Variants in OCSTAMP observed in about 807,000 individuals in gnomAD.
OCSTAMP encodes transmembrane protein C20orf123.
In OCSTAMP, 17 loss-of-function variants were observed where a neutral mutation model predicts 25.2. That is an observed-to-expected ratio of 0.68 (90% CI 0.46 to 1.01). The LOEUF (loss-of-function observed/expected upper bound fraction) is 1.01. Among genes scored for constraint, OCSTAMP ranks in the 50% least tolerant of loss-of-function variants. The pLI is 0.00. For missense variants in OCSTAMP, 664 were observed against 694.6 expected (o/e 0.96, Z 0.50); for synonymous variants, 345 against 318.9 (o/e 1.08, Z -0.87).
chr20:46,549,806 C>CTGTGTGTGTG (rs767000638), intron 1 of OCSTAMP, among the ~76,000 whole-genome samples: 12,424 of 142,398 alleles, frequency 0.087, 911 homozygotes, highest in East Asian at 0.27. Context: ...TTGTGGCCCA[C>CTGTGTGTGTG]TCTGTGTGTG....
At position 46,546,353 on chromosome 20, in the gene OCSTAMP, C is replaced by T. The variant is rs576112959; in HGVS notation, c.45-24G>A. ...ACCTGCACACAAGGAAATTGAAGGG[C>T]ATCTCTATCAGGAGGTGGGTGGGTG... On this transcript the variant is annotated intron_variant, in intron 1 of 2. Coordinates refer to ENST00000279028, the MANE Select transcript of OCSTAMP (RefSeq NM_080721.3). 2.2e-3 allele frequency: 2,355 copies of T among 1,090,912 alleles called. 2 individuals carry two copies. The highest frequency in any genetic ancestry group is 2.8e-3 in the Non-Finnish European group (2,151 of 759,608). The allele number at this position is 1,090,912 out of a possible 1,614,324, so 67.6% of individuals were successfully genotyped here.
chr20:46,542,832 C>T (rs1458810088), intron 2 of OCSTAMP, among the ~76,000 whole-genome samples: 2 of 152,058 alleles, frequency 1.3e-5, no homozygotes, highest in African/African-American at 2.4e-5. Flanking sequence ...TGCCACACCC[C>T]AAATGGTTCA....
rs1188107010 is a variant in OCSTAMP at position 46,550,635 on chromosome 20, G to A, written c.-75C>T. On this transcript the variant is annotated 5_prime_UTR_variant, in exon 1 of 3. Coordinates refer to ENST00000279028, the MANE Select transcript of OCSTAMP (RefSeq NM_080721.3). ...CAGGTGGAGAGGAAGTGGGGGAATC[G>A]CTGGGACTTGGGAATCCCTGCCACT... 3.2e-5 allele frequency: 44 copies of A among 1,384,046 alleles called. No homozygotes were observed. Among genetic ancestry groups the A allele is most frequent in the Non-Finnish European group, 4.1e-5 (41 of 996,132 alleles). 85.7% of individuals were successfully genotyped at this position (1,384,046 alleles called of 1,614,324 possible).
intron 1 of OCSTAMP, among the ~76,000 whole-genome samples, chr20:46,549,967 T>G (rs1002145182): frequency 1.3e-5 from 2 of 152,134 alleles, no homozygotes; most frequent in African/African-American, 4.8e-5. Context: ...CTACCCACCT[T>G]TGACAGGGGA....
intron 2 of OCSTAMP, among the ~76,000 whole-genome samples, chr20:46,542,309 G>A (rs1313821471): frequency 1.3e-5 from 2 of 152,188 alleles, no homozygotes; most frequent in African/African-American, 4.8e-5. Flanking sequence ...GCCAGGCGCA[G>A]TGGCTCACGC....
At chr20:46,547,186 T>C (rs1422001529) in intron 1 of OCSTAMP, among the ~76,000 whole-genome samples, 1 of 151,774 alleles carries the variant, frequency 6.6e-6, no homozygotes, top group Non-Finnish European at 1.5e-5. Context: ...TCAAAACAGG[T>C]TTGAGTGGAG....
In OCSTAMP at chr20:46,547,755, C is replaced by T. The variant is rs529339104; in HGVS notation, c.45-1426G>A. On this transcript the variant is annotated intron_variant, in intron 1 of 2. Coordinates refer to ENST00000279028, the MANE Select transcript of OCSTAMP (RefSeq NM_080721.3). ...AAACACAGATACAGACAACTCTTTC[C>T]GGTAATTTCTACACTAAAACAGCAG... Among the ~76,000 whole-genome samples, 9 of 152,300 alleles carry T rather than the reference C, an allele frequency of 5.9e-5. No individual in the cohort carries two copies. In the South Asian group the frequency reaches 6.2e-4, roughly 11 times the overall value.
At chr20:46,549,808 C>CTGTGTGTGTGTGTG (rs3971980) in intron 1 of OCSTAMP, among the ~76,000 whole-genome samples, 20 of 149,264 alleles carry the variant, frequency 1.3e-4, no homozygotes, top group African/African-American at 4.9e-4. Context: ...GTGGCCCACT[C>CTGTGTGTGTGTGTG]TGTGTGTGTG....
At chr20:46,543,840 G>C (rs2061843033) in intron 2 of OCSTAMP, among the ~76,000 whole-genome samples, 1 of 152,136 alleles carries the variant, frequency 6.6e-6, no homozygotes, top group African/African-American at 2.4e-5. Context: ...CTGAGATTTG[G>C]TGAAAATGAG....
rs1185245900 is a variant in OCSTAMP, at chr20:46,546,012, A to T, written c.362T>A (p.Leu121Gln). 6.4e-7 allele frequency: 1 copy of T among 1,551,396 alleles called. No individual in the cohort carries two copies. Among genetic ancestry groups the T allele is most frequent in the African/African-American group, 1.4e-5 (1 of 73,188 alleles). The change falls in exon 2 of 3, where the codon CTG becomes CAG. Residue 121 changes from leucine (L) to glutamine (Q), a missense_variant. Coordinates refer to ENST00000279028, the MANE Select transcript of OCSTAMP (RefSeq NM_080721.3). ...PTLGMEQGRR[L>Q]LLSYSTATLA... The stretch of plus-strand genomic sequence containing the variant: ...GGTGGCAGTGCTGTAGGACAGGAGC[A>T]GCCGGCGGCCCTGCTCCATACCCAG...
rs2061835609 is a variant in OCSTAMP at position 46,541,829 on chromosome 20, G to A, written c.1146C>T (p.Leu382=). ...LSVHSSYQWE[L]RLTSARCPLL... is the part of the protein sequence containing the mutation. ...GTGGGCAGCGGGCGGAGGTGAGGCG[G>A]AGCTCCCATTGGTAGGAGCTGTGGA... is the stretch of plus-strand genomic sequence containing the variant. The change falls in exon 3 of 3, where the codon CTC becomes CTT. Residue 382 remains leucine (L), a synonymous_variant. Transcript: ENST00000279028. 8 of 1,476,816 alleles carry A rather than the reference G, an allele frequency of 5.4e-6. No homozygotes were observed. The highest frequency in any genetic ancestry group is 2.9e-5 in the African/African-American group (2 of 70,052). The allele number at this position is 1,476,816 out of a possible 1,614,324, so 91.5% of individuals were successfully genotyped here. A position where few individuals can be genotyped will look rare whatever the true frequency, so the allele number is the denominator to read the frequency against.
At chr20:46,543,302 T>C (rs2061841104) in intron 2 of OCSTAMP, among the ~76,000 whole-genome samples, 1 of 63,452 alleles carries the variant, frequency 1.6e-5, no homozygotes, top group Non-Finnish European at 3.4e-5. Flanking sequence ...TCTCTTTCTC[T>C]TTCCTTTCTT....
rs774280829 is a variant in OCSTAMP at position 46,541,388 on chromosome 20, C to A, written c.1587G>T (p.Glu529Asp). The A allele has an allele frequency of 3.0e-6, 3 of 983,904 alleles. No homozygotes were observed. Among genetic ancestry groups the A allele is most frequent in the Non-Finnish European group, 4.8e-6 (3 of 628,580 alleles). The allele number at this position is 983,904 out of a possible 1,614,324, so 60.9% of individuals were successfully genotyped here. The change falls in exon 3 of 3, where the codon GAG becomes GAT. Residue 529 changes from glutamate to aspartate, a missense_variant. Physicochemically the swap from Glu to Asp is conservative, Grantham distance 45. Coordinates refer to ENST00000279028, the MANE Select transcript of OCSTAMP (RefSeq NM_080721.3). ...VTLGKSLHLS[E>D]PRFLHLHNDS... ...CGTTATGCAGATGTAGAAACCGAGG[C>A]TCAGAGAGGTGAAGTGACTTACCCA...
chr20:46,543,751 T>C (rs551186736), intron 2 of OCSTAMP, among the ~76,000 whole-genome samples: 16 of 152,196 alleles, frequency 1.1e-4, no homozygotes, highest in Non-Finnish European at 2.1e-4. Context: ...TAAGAAAGCA[T>C]TGTGTCAAGG....
rs3092597 is a variant in OCSTAMP, at chr20:46,542,574, C to CAAAA, written c.1048-651_1048-648dup. Among the ~76,000 whole-genome samples the CAAAA allele has an allele frequency of 1.9e-4, 19 of 100,358 alleles. 3 individuals are homozygous for CAAAA. Among genetic ancestry groups the CAAAA allele is most frequent in the African/African-American group, 5.0e-4 (10 of 20,002 alleles). 65.8% of individuals were successfully genotyped at this position (100,358 alleles called of 152,430 possible). On this transcript the variant is annotated intron_variant, in intron 2 of 2. Transcript: ENST00000279028. ...TGGGCAACACAGCAAGACTCTGTCTCAAAAAAAAAAAAAAGATGGGAAGCC... is the reference window on the plus strand; with the variant it reads ...TGGGCAACACAGCAAGACTCTGTCTCAAAAAAAAAAAAAAAAAAGATGGGAAGCC...
At chr20:46,541,992 G>A in intron 2 of OCSTAMP, 65 bp from the exon 3 acceptor site, 1 of 1,383,082 alleles carries the variant, frequency 7.2e-7, no homozygotes, top group Non-Finnish European at 9.3e-7. Flanking sequence ...ACCTCTAGGA[G>A]AGGCTTGTCC....
rs1286617667 is a variant in OCSTAMP at position 46,541,448 on chromosome 20, A to C, written c.1527T>G (p.Cys509Trp). 6.5e-7 allele frequency: 1 copy of C among 1,528,452 alleles called. No homozygotes were observed. Among genetic ancestry groups the C allele is most frequent in the East Asian group, 2.5e-5 (1 of 40,784 alleles). The allele number at this position is 1,528,452 out of a possible 1,614,324, so 94.7% of individuals were successfully genotyped here. The change falls in exon 3 of 3, where the codon TGT (cysteine) becomes TGG (tryptophan). Residue 509 changes from cysteine (C) to tryptophan (W), a missense_variant. Coordinates refer to ENST00000279028, the MANE Select transcript of OCSTAMP (RefSeq NM_080721.3). ...KELWSCRDLS[C>W]NLGPVPPPCV... is the part of the protein sequence containing the mutation. ...AGGGAGGCGGCACAGGACCAAGGTT[A>C]CAACTCAGGTCTCTGCAACTCCAAA...
At chr20:46,548,451 GCT>G (rs2061860141) in intron 1 of OCSTAMP, among the ~76,000 whole-genome samples, 1 of 152,188 alleles carries the variant, frequency 6.6e-6, no homozygotes, top group Admixed American at 6.5e-5. Flanking sequence ...GCTTCTGTTT[GCT>G]CAGGTTGGCA....
rs941398842 is a variant in OCSTAMP at position 46,541,114 on chromosome 20, T to C, written c.*160A>G. The C allele has an allele frequency of 1.0e-5, 6 of 596,796 alleles. No homozygotes were observed. Among genetic ancestry groups the C allele is most frequent in the Non-Finnish European group, 1.8e-5 (6 of 330,628 alleles). The allele number at this position is 596,796 out of a possible 1,614,324, so 37.0% of individuals were successfully genotyped here. A position where few individuals can be genotyped will look rare whatever the true frequency, so the allele number is the denominator to read the frequency against. ...TTTAGAGGATTTTGAGGCATATAAATAAGTTCCAGGAGCATTTCGAGAAAT... is the reference window on the plus strand; with the variant it reads ...TTTAGAGGATTTTGAGGCATATAAACAAGTTCCAGGAGCATTTCGAGAAAT... On this transcript the variant is annotated 3_prime_UTR_variant, in exon 3 of 3. Coordinates refer to ENST00000279028, the MANE Select transcript of OCSTAMP (RefSeq NM_080721.3).
Sources: gnomAD v4.1 joint callset for allele counts (sites outside exome capture counted in the v4.1 genomes callset) on GRCh38, gnomAD v4.1.1 for gene constraint, MANE v1.5 for transcripts, NCBI Gene and HGNC (gene_info 2026-07-23, HGNC 2026-07-21) for gene names.